The following LRP5 variants were observed in gnomAD, a reference collection of about 807,000 sequenced individuals.
LRP5 encodes the protein LDL receptor related protein 5.
Under a neutral mutation model 154.1 loss-of-function variants are expected in LRP5, and 62 were observed. That is an observed-to-expected ratio of 0.40 (90% CI 0.33 to 0.50). LRP5 has a LOEUF of 0.50. LRP5 is among the 20% of genes least tolerant of loss of function. The pLI is 0.55. For missense variants in LRP5, 1,915 were observed against 2,336.7 expected (o/e 0.82, Z 3.72); for synonymous variants, 966 against 1,011.5 (o/e 0.96, Z 0.85).
At chr11:68,322,792 C>G (rs1327181120) in intron 1 of LRP5, among the ~76,000 whole-genome samples, 1 of 152,262 alleles carries the variant, frequency 6.6e-6, no homozygotes, top group Non-Finnish European at 1.5e-5. Context: ...TTGTAGAACA[C>G]CTGTCTGGCT....
intron 5 of LRP5, among the ~76,000 whole-genome samples, chr11:68,377,655 G>C (rs914484264): frequency 6.6e-6 from 1 of 152,232 alleles, no homozygotes; most frequent in Non-Finnish European, 1.5e-5. Flanking sequence ...TGGCCAGGCT[G>C]TTTATGGCCT....
chr11:68,377,588 TAATC>T (rs965477511), intron 5 of LRP5, among the ~76,000 whole-genome samples: 37 of 152,114 alleles, frequency 2.4e-4, no homozygotes, highest in Non-Finnish European at 5.9e-5. Flanking sequence ...CGGAGAAACT[TAATC>T]AATTGCTAAA....
In LRP5 at chr11:68,448,741, G is replaced by A. The variant is rs1358586839; in HGVS notation, c.4587-68G>A. 35 of 1,590,354 alleles carry A rather than the reference G, an allele frequency of 2.2e-5. No homozygotes were observed. In the South Asian group the frequency reaches 3.1e-4, roughly 14 times the overall value. ...ACAGGCCTTTCCCGTTCACAGCCCC[G>A]GGGCTGCTGTGCCCACCAGGGCGGA... is the stretch of plus-strand genomic sequence containing the variant. On this transcript the variant is annotated intron_variant, in intron 22 of 22. Coordinates refer to ENST00000294304, the MANE Select transcript of LRP5 (RefSeq NM_002335.4).
chr11:68,344,812 GT>G (rs1454833423), intron 1 of LRP5, among the ~76,000 whole-genome samples: 3 of 122,210 alleles, frequency 2.5e-5, no homozygotes, highest in African/African-American at 8.9e-5. Context: ...ACATTCTTAA[GT>G]TTCATCCATG....
At chr11:68,349,855 C>T (rs943707049) in intron 2 of LRP5, among the ~76,000 whole-genome samples, 1 of 152,202 alleles carries the variant, frequency 6.6e-6, no homozygotes, top group African/African-American at 2.4e-5. Flanking sequence ...GCCGTACACA[C>T]ACCCTTACCT....
intron 17 of LRP5, among the ~76,000 whole-genome samples, chr11:68,432,613 T>A (rs2098672563): frequency 6.6e-6 from 1 of 152,226 alleles, no homozygotes; most frequent in Admixed American, 6.5e-5. Context: ...CTTGATCAGA[T>A]TTCAGCTTGG....
In LRP5 at chr11:68,382,669, C is replaced by T. The variant is rs775480359; in HGVS notation, c.1016-3647C>T. ...TGGTGGGATGATGAAGGCAGCCAGGCGGCAAGTGAAAAACGCACTTCCTGC... is the reference window on the plus strand; with the variant it reads ...TGGTGGGATGATGAAGGCAGCCAGGTGGCAAGTGAAAAACGCACTTCCTGC... On this transcript the variant is annotated intron_variant, in intron 5 of 22. Transcript: ENST00000294304. Among the ~76,000 whole-genome samples the T allele has an allele frequency of 3.3e-5, 5 of 152,088 alleles. No homozygotes were observed. The South Asian group carries it at 8.3e-4, about 25-fold the overall frequency.
intron 19 of LRP5, among the ~76,000 whole-genome samples, chr11:68,438,102 A>G (rs112950641): frequency 5.3e-5 from 8 of 152,268 alleles, no homozygotes; most frequent in South Asian, 2.1e-4. Context: ...TCGTTCACCA[A>G]CATCACCTGG....
rs556919142 is a variant in LRP5, at chr11:68,429,669, C to T, written c.3732C>T (p.Leu1244=). 44 of 1,614,160 alleles carry T rather than the reference C, an allele frequency of 2.7e-5. No homozygotes were observed. The South Asian group carries it at 2.9e-4, about 10-fold the overall frequency. The change falls in exon 17 of 23, where the codon CTC becomes CTT. Residue 1244 remains leucine (L), a synonymous_variant. Coordinates refer to ENST00000294304, the MANE Select transcript of LRP5 (RefSeq NM_002335.4). ...CACGGTGCTCATGCCCAGTCCACCT[C>T]GTGCTCCTGCAGAACCTGCTGACCT... The part of the protein sequence containing the change: ...GTPRCSCPVH[L]VLLQNLLTCG...
chr11:68,386,514 C>G lies in LRP5; in HGVS notation c.1214C>G (p.Ser405Cys). The change falls in exon 6 of 23, where the codon TCT becomes TGT. Residue 405 changes from serine to cysteine, a missense_variant. This residue lies in a region of LRP5 where 773 missense variants were observed against 1,100.9 expected (regional missense o/e 0.70). Coordinates refer to ENST00000294304, the MANE Select transcript of LRP5 (RefSeq NM_002335.4). This position sits in a 1 kb window ranked among gnomAD's most constrained non-coding sequence, Gnocchi z 7.9. ...RAIRRAYLDG[S>C]GAQTLVNTEI... is the part of the protein sequence containing the mutation. ...ATCCGCAGGGCGTACCTGGACGGGTCTGGGGCGCAGACGCTGGTCAACACC... is the reference window on the plus strand; with the variant it reads ...ATCCGCAGGGCGTACCTGGACGGGTGTGGGGCGCAGACGCTGGTCAACACC... The G allele has an allele frequency of 6.2e-7, 1 of 1,614,020 alleles. No individual in the cohort carries two copies. The highest frequency in any genetic ancestry group is 8.5e-7 in the Non-Finnish European group (1 of 1,180,008).
At position 68,316,138 on chromosome 11, in the gene LRP5, T is replaced by C. The variant is rs1201037636; in HGVS notation, c.91+3333T>C. Among the ~76,000 whole-genome samples the C allele has an allele frequency of 2.0e-5, 3 of 152,198 alleles. 1 individual carries two copies. Among genetic ancestry groups the C allele is most frequent in the South Asian group, 4.1e-4 (2 of 4,834 alleles). On this transcript the variant is annotated intron_variant, in intron 1 of 22. Coordinates refer to ENST00000294304, the MANE Select transcript of LRP5 (RefSeq NM_002335.4). ...TCCCCTGGTGAACACCAGTCGACTT[T>C]CTGCCTCTGTGGTTCTGCCTGTTCT...
chr11:68,375,715 T>C (rs1231935316), intron 5 of LRP5, among the ~76,000 whole-genome samples: 1 of 152,206 alleles, frequency 6.6e-6, no homozygotes, highest in Non-Finnish European at 1.5e-5. Context: ...TTCTTTGGTC[T>C]TCAGTGGAGC....
At chr11:68,394,424 G>A (rs772613370) in intron 7 of LRP5, among the ~76,000 whole-genome samples, 2 of 151,946 alleles carry the variant, frequency 1.3e-5, no homozygotes, top group Non-Finnish European at 2.9e-5. Flanking sequence ...ACTTGCTGGG[G>A]CCTTCGTGTC....
chr11:68,344,731 C>T (rs754562582), intron 1 of LRP5, among the ~76,000 whole-genome samples: 14 of 151,880 alleles, frequency 9.2e-5, no homozygotes, highest in South Asian at 2.1e-4. Flanking sequence ...ATTTGCCTAC[C>T]GTAAGTACCT....
At chr11:68,395,562 C>T (rs759675618) in intron 7 of LRP5, among the ~76,000 whole-genome samples, 1 of 151,940 alleles carries the variant, frequency 6.6e-6, no homozygotes, top group African/African-American at 2.4e-5. Flanking sequence ...TTCTCAGCGC[C>T]CTTTATATGC....
rs1053754564 is a variant in LRP5, at chr11:68,423,434, C to T, written c.3028-55C>T. ...CTCCGCCAGTGCCAGGGGTCTCCGC[C>T]AGTGCCCAGGGGTCTCCGCCAGTGC... On this transcript the variant is annotated intron_variant, in intron 13 of 22. Coordinates refer to ENST00000294304, the MANE Select transcript of LRP5 (RefSeq NM_002335.4). This position sits in a 1 kb window ranked among gnomAD's most constrained non-coding sequence, Gnocchi z 4.7. 15 of 1,544,318 alleles carry T rather than the reference C, an allele frequency of 9.7e-6. No homozygotes were observed. The highest frequency in any genetic ancestry group is 1.3e-5 in the Non-Finnish European group (14 of 1,116,754).
intron 1 of LRP5, among the ~76,000 whole-genome samples, chr11:68,344,476 GC>G (rs33938861): frequency 1 from 152,068 of 152,078 alleles, 76,029 homozygotes; most frequent in Middle Eastern, 1. Flanking sequence ...GAGCCACCAC[GC>G]CCCAGCTAAT....
At position 68,430,958 on chromosome 11, in the gene LRP5, G is replaced by A. The variant is rs538241673; in HGVS notation, c.3763+1258G>A. Among the ~76,000 whole-genome samples the A allele has an allele frequency of 2.0e-5, 3 of 152,260 alleles. No individual in the cohort carries two copies. The East Asian group carries it at 5.8e-4, about 29-fold the overall frequency. ...AGCACTTACCTGGCAGGCTGTCATGGGCATCAAGTAACAGGGCACTCCACC... is the reference window on the plus strand; with the variant it reads ...AGCACTTACCTGGCAGGCTGTCATGAGCATCAAGTAACAGGGCACTCCACC... On this transcript the variant is annotated intron_variant, in intron 17 of 22. Transcript: ENST00000294304.
chr11:68,327,332 C>G (rs1331740737), intron 1 of LRP5, among the ~76,000 whole-genome samples: 1 of 152,154 alleles, frequency 6.6e-6, no homozygotes, highest in African/African-American at 2.4e-5. Flanking sequence ...TCCTGGGAGG[C>G]CACGGTCATG....
Sources: gnomAD v4.1 joint callset for allele counts (sites outside exome capture counted in the v4.1 genomes callset) on GRCh38, gnomAD v4.1.1 for gene constraint, gnomAD v4.1.1 regional missense constraint, Gnocchi (gnomAD v3.1) non-coding constraint, MANE v1.5 for transcripts, NCBI Gene and HGNC (gene_info 2026-07-23, HGNC 2026-07-21) for gene names.